Variants in IL1RAPL2 observed in about 807,000 individuals in gnomAD.
The protein encoded by IL1RAPL2 is X-linked interleukin-1 receptor accessory protein-like 2.
Under a neutral mutation model 44.1 loss-of-function variants are expected in IL1RAPL2, and 3 were observed. That is an observed-to-expected ratio of 0.07 (90% CI 0.03 to 0.18). The LOEUF (loss-of-function observed/expected upper bound fraction) is 0.18, where lower values mean the gene tolerates loss of function less well. Among genes scored for constraint, IL1RAPL2 ranks in the 10% least tolerant of loss-of-function variants. The pLI, the probability that IL1RAPL2 is intolerant of heterozygous loss-of-function variation, is 1.00. For missense variants in IL1RAPL2, 391 were observed against 496.4 expected (o/e 0.79, Z 2.02); for synonymous variants, 181 against 178.8 (o/e 1.01, Z -0.10).
At chrX:104,590,845 A>C (rs1928651231) in intron 1 of IL1RAPL2, among the ~76,000 whole-genome samples, 1 of 112,289 alleles carries the variant, frequency 8.9e-6, no homozygotes, top group Admixed American at 9.4e-5. Flanking sequence ...TGTACTTTTA[A>C]TCACAATCTA....
intron 2 of IL1RAPL2, among the ~76,000 whole-genome samples, chrX:104,978,042 C>G (rs1327303633): frequency 9.0e-6 from 1 of 111,445 alleles, no homozygotes; most frequent in Non-Finnish European, 1.9e-5. Context: ...AGTCTTCAGT[C>G]TGGTCCAGAA....
intron 2 of IL1RAPL2, among the ~76,000 whole-genome samples, chrX:105,080,588 G>T (rs1397468997): frequency 9.0e-6 from 1 of 111,566 alleles, no homozygotes; most frequent in African/African-American, 3.3e-5. Flanking sequence ...TACCTGTTTT[G>T]GTACCAGTAC....
rs191506365 is a variant in IL1RAPL2 at position 105,507,775 on chromosome X, A to G, written c.772+23388A>G. On this transcript the variant is annotated intron_variant, in intron 6 of 10. Coordinates refer to ENST00000372582, the MANE Select transcript of IL1RAPL2 (RefSeq NM_017416.2). ...TTTATTTTGATGTTAATATTGAAAA[A>G]CCACTTAGCATATGCTTAGGAGAGG... 5.5e-3 allele frequency among the ~76,000 whole-genome samples: 620 copies of G among 111,735 alleles called. 2 individuals carry two copies. Among genetic ancestry groups the G allele is most frequent in the Non-Finnish European group, 9.5e-3 (502 of 53,069 alleles).
chrX:105,030,033 G>A (rs780377722), intron 2 of IL1RAPL2, among the ~76,000 whole-genome samples: 1 of 111,740 alleles, frequency 8.9e-6, no homozygotes, highest in East Asian at 2.8e-4. Flanking sequence ...TGTGTTTTTT[G>A]GGGGCATAAA....
At chrX:105,223,998 C>A in intron 3 of IL1RAPL2, among the ~76,000 whole-genome samples, 1 of 110,753 alleles carries the variant, frequency 9.0e-6, no homozygotes, top group Middle Eastern at 4.6e-3. Flanking sequence ...GGTGAGAGGA[C>A]AAAACTAGAG....
chrX:105,515,798 G>A (rs1186288918), intron 6 of IL1RAPL2, among the ~76,000 whole-genome samples: 1 of 112,050 alleles, frequency 8.9e-6, no homozygotes, highest in African/African-American at 3.2e-5. Context: ...GGGTGGAACA[G>A]CTATGACCTG....
intron 5 of IL1RAPL2, among the ~76,000 whole-genome samples, chrX:105,483,109 C>T (rs1462614919): frequency 9.2e-6 from 1 of 108,588 alleles, no homozygotes; most frequent in Non-Finnish European, 1.9e-5. Context: ...CCCATCCCCA[C>T]ACACTGCAGC....
At chrX:105,683,719 A>G (rs1436343811) in intron 6 of IL1RAPL2, among the ~76,000 whole-genome samples, 1 of 112,258 alleles carries the variant, frequency 8.9e-6, no homozygotes, top group Non-Finnish European at 1.9e-5. Flanking sequence ...ACTCCTACAT[A>G]GTCTCATTCA....
intron 2 of IL1RAPL2, among the ~76,000 whole-genome samples, chrX:105,003,897 G>T (rs1334172915): frequency 1.8e-5 from 2 of 111,340 alleles, no homozygotes; most frequent in East Asian, 2.8e-4. Context: ...TTGCGTGCTT[G>T]CTATGTGCCA....
Position 105,759,110 on chromosome X carries a change from A to G in IL1RAPL2, c.1363+3763A>G, listed in dbSNP as rs369918637. ...GAGTACCATTTATGCTTTTGGGCCT[A>G]TCTTATCTCAGTGTTTCTGTAGAGA... is the stretch of plus-strand genomic sequence containing the variant. On this transcript the variant is annotated intron_variant, in intron 10 of 10. Coordinates refer to ENST00000372582, the MANE Select transcript of IL1RAPL2 (RefSeq NM_017416.2). Among the ~76,000 whole-genome samples, 12 of 111,886 alleles carry G rather than the reference A, an allele frequency of 1.1e-4. No homozygotes were observed. The East Asian group carries it at 2.2e-3, about 21-fold the overall frequency.
chrX:104,658,871 A>T, intron 1 of IL1RAPL2, 24 bp from the exon 2 acceptor site: 3 of 1,050,368 alleles, frequency 2.9e-6, no homozygotes, highest in Middle Eastern at 2.5e-4. Flanking sequence ...TTCAAACTTT[A>T]TATCCTTTTT....
At chrX:105,040,059 G>A (rs144873936) in intron 2 of IL1RAPL2, among the ~76,000 whole-genome samples, 1,907 of 110,349 alleles carry the variant, frequency 0.017, 48 homozygotes, top group African/African-American at 0.06. Context: ...TGTCCCATCA[G>A]TACCTAATTT....
At chrX:104,641,318 T>C (rs1406760240) in intron 1 of IL1RAPL2, among the ~76,000 whole-genome samples, 2 of 110,489 alleles carry the variant, frequency 1.8e-5, no homozygotes, top group African/African-American at 6.6e-5. Flanking sequence ...TGCCTTGGGG[T>C]TGGGAATGGC....
At chrX:104,636,263 G>C (rs1929803186) in intron 1 of IL1RAPL2, among the ~76,000 whole-genome samples, 1 of 112,163 alleles carries the variant, frequency 8.9e-6, no homozygotes, top group African/African-American at 3.2e-5. Context: ...ACTGGAGGGT[G>C]CCTCCCAGTT....
At chrX:105,539,838 A>T (rs1434555549) in intron 6 of IL1RAPL2, among the ~76,000 whole-genome samples, 1 of 111,915 alleles carries the variant, frequency 8.9e-6, no homozygotes, top group East Asian at 2.8e-4. Context: ...AAAAACAAAA[A>T]ATCCCATTAA....
intron 6 of IL1RAPL2, among the ~76,000 whole-genome samples, chrX:105,539,034 A>G (rs1251302398): frequency 6.3e-5 from 7 of 111,577 alleles, no homozygotes; most frequent in Non-Finnish European, 1.3e-4. Flanking sequence ...AAAAAAAATC[A>G]GAGATGACAC....
At chrX:105,525,126 T>C (rs1208294351) in intron 6 of IL1RAPL2, among the ~76,000 whole-genome samples, 3 of 111,544 alleles carry the variant, frequency 2.7e-5, no homozygotes, top group Non-Finnish European at 5.7e-5. Flanking sequence ...TTCTCTCTTA[T>C]GCTTCTATTA....
intron 2 of IL1RAPL2, among the ~76,000 whole-genome samples, chrX:105,040,151 G>C (rs1211976842): frequency 9.0e-6 from 1 of 111,283 alleles, no homozygotes; most frequent in Non-Finnish European, 1.9e-5. Flanking sequence ...TGTGGTTTTT[G>C]TCTTTGGTTC....
chrX:105,026,414 C>T (rs930266451), intron 2 of IL1RAPL2, among the ~76,000 whole-genome samples: 1 of 110,247 alleles, frequency 9.1e-6, no homozygotes, highest in Admixed American at 9.7e-5. Context: ...TAAAATTATA[C>T]TGCTTTGCAG....
Sources: allele counts gnomAD v4.1 joint callset (sites outside exome capture counted in the v4.1 genomes callset), GRCh38; gene constraint gnomAD v4.1.1; transcripts MANE v1.5; gene names NCBI Gene and HGNC (gene_info 2026-07-23, HGNC 2026-07-21).